The following CD247 variants were observed in gnomAD, a reference collection of about 807,000 sequenced individuals.
The protein encoded by CD247 is T-cell surface glycoprotein CD3 zeta chain.
Under a neutral mutation model 30.0 loss-of-function variants are expected in CD247, and 13 were observed. That is an observed-to-expected ratio of 0.43 (90% CI 0.28 to 0.69). The LOEUF (loss-of-function observed/expected upper bound fraction) is 0.69, where lower values mean the gene tolerates loss of function less well. Among genes scored for constraint, CD247 ranks in the 30% least tolerant of loss-of-function variants. The pLI, the probability that CD247 is intolerant of heterozygous loss-of-function variation, is 0.16. For missense variants in CD247, 193 were observed against 212.6 expected (o/e 0.91, Z 0.57); for synonymous variants, 72 against 80.0 (o/e 0.90, Z 0.53).
At chr1:167,459,744 G>C (rs1023623804) in intron 1 of CD247, 5 of 152,156 alleles carry the variant, frequency 3.3e-5, no homozygotes, top group Non-Finnish European at 7.3e-5. Context: ...AAAAACATGA[G>C]CATATTATTT....
chr1:167,510,750 A>G (rs12095738), intron 1 of CD247, among the ~76,000 whole-genome samples: 22,685 of 152,152 alleles, frequency 0.15, 1,818 homozygotes, highest in South Asian at 0.31. Context: ...ATCTACAGCA[A>G]AAGAGGGGGG....
intron 4 of CD247, 148 bp downstream of exon 4, chr1:167,438,422 A>G: frequency 1.4e-6 from 1 of 734,818 alleles, no homozygotes. Context: ...TGCGGCAGCA[A>G]GTGGGTCTCC....
intron 1 of CD247, among the ~76,000 whole-genome samples, chr1:167,482,996 C>A (rs1403723921): frequency 7.1e-6 from 1 of 141,674 alleles, no homozygotes; most frequent in Non-Finnish European, 1.5e-5. Context: ...AACCAATATT[C>A]TTTCTTTCTT....
chr1:167,473,479 C>G (rs1653617459), intron 1 of CD247, among the ~76,000 whole-genome samples: 1 of 152,196 alleles, frequency 6.6e-6, no homozygotes, highest in South Asian at 2.1e-4. Flanking sequence ...CACAGAGCTT[C>G]TCGCCAACTC....
At chr1:167,452,518 G>A (rs1652403151) in intron 1 of CD247, among the ~76,000 whole-genome samples, 1 of 152,154 alleles carries the variant, frequency 6.6e-6, no homozygotes, top group African/African-American at 2.4e-5. Flanking sequence ...TACAAGCCAA[G>A]GAGTGGCACC....
intron 1 of CD247, among the ~76,000 whole-genome samples, chr1:167,468,894 C>T (rs935285448): frequency 6.6e-6 from 1 of 151,948 alleles, no homozygotes; most frequent in Non-Finnish European, 1.5e-5. Context: ...ATAAAGTGCT[C>T]TCTTTCCTTC....
intron 7 of CD247, 138 bp downstream of exon 7, chr1:167,432,886 C>T (rs1469274374): frequency 3.5e-6 from 3 of 855,360 alleles, no homozygotes; most frequent in Non-Finnish European, 5.9e-6. Context: ...TTGCCACTGG[C>T]CTAAATGGGT....
At chr1:167,511,693 A>AG (rs1655394021) in intron 1 of CD247, among the ~76,000 whole-genome samples, 1 of 152,162 alleles carries the variant, frequency 6.6e-6, no homozygotes, top group African/African-American at 2.4e-5. Context: ...CTTTAGAAGT[A>AG]GGCTTCAGAA....
Position 167,435,417 on chromosome 1 carries a change from A to G in CD247, c.318T>C (p.Pro106=), listed in dbSNP as rs1329274119. ...MGGKPQRRKN[P]QEGLYNELQK... ...TACTCACATTGTACAGGCCTTCCTG[A>G]GGGTTCTTCCTTCTCTGCTAGGAAA... Residue 106 remains proline, a synonymous_variant, in exon 5 of 8, where the codon CCT becomes CCC. Transcript: ENST00000362089. 3 of 1,612,650 alleles carry G rather than the reference A, an allele frequency of 1.9e-6. No homozygotes were observed. The African/African-American group carries it at 4.0e-5, about 22-fold the overall frequency.
chr1:167,508,792 A>G (rs1172729391), intron 1 of CD247, among the ~76,000 whole-genome samples: 1 of 152,232 alleles, frequency 6.6e-6, no homozygotes, highest in African/African-American at 2.4e-5. Context: ...CCACACAATG[A>G]TGAAAATTAG....
intron 1 of CD247, among the ~76,000 whole-genome samples, chr1:167,495,202 T>C (rs1654632540): frequency 6.6e-6 from 1 of 152,230 alleles, no homozygotes; most frequent in Non-Finnish European, 1.5e-5. Flanking sequence ...CTACCTAGTA[T>C]CTATGTGGTC....
At chr1:167,478,563 C>A (rs2102060304) in intron 1 of CD247, among the ~76,000 whole-genome samples, 1 of 152,272 alleles carries the variant, frequency 6.6e-6, no homozygotes, top group Admixed American at 6.5e-5. Context: ...TCACTAAAAA[C>A]CAATTGGAGA....
chr1:167,505,034 C>A (rs765336245), intron 1 of CD247, among the ~76,000 whole-genome samples: 2 of 152,196 alleles, frequency 1.3e-5, no homozygotes, highest in Non-Finnish European at 1.5e-5. Flanking sequence ...AATATTCTAC[C>A]TATATTTACA....
At chr1:167,500,431 T>A (rs978652735) in intron 1 of CD247, among the ~76,000 whole-genome samples, 13 of 152,246 alleles carry the variant, frequency 8.5e-5, no homozygotes, top group African/African-American at 3.1e-4. Context: ...TATAAAATAG[T>A]TTAAAATAAA....
intron 1 of CD247, among the ~76,000 whole-genome samples, chr1:167,463,414 T>A (rs562194218): frequency 1.3e-5 from 2 of 152,304 alleles, no homozygotes; most frequent in Admixed American, 6.5e-5. Context: ...CCCTCATATC[T>A]GGAAGCAGAG....
intron 1 of CD247, among the ~76,000 whole-genome samples, chr1:167,478,659 G>A (rs1050982422): frequency 2.6e-5 from 4 of 152,176 alleles, no homozygotes; most frequent in Non-Finnish European, 5.9e-5. Flanking sequence ...CCTTGTCTGT[G>A]AAGGCGAGAT....
intron 1 of CD247, among the ~76,000 whole-genome samples, chr1:167,510,155 A>G (rs1028062929): frequency 3.3e-5 from 5 of 151,648 alleles, no homozygotes; most frequent in Admixed American, 2.0e-4. Context: ...CTGCCACCAA[A>G]CTCCTCCTAA....
intron 1 of CD247, among the ~76,000 whole-genome samples, chr1:167,497,684 T>C (rs1244204505): frequency 6.6e-6 from 1 of 152,170 alleles, no homozygotes; most frequent in African/African-American, 2.4e-5. Flanking sequence ...TGAGAGTCAG[T>C]CCTGGGTTAC....
intron 6 of CD247, among the ~76,000 whole-genome samples, chr1:167,433,330 G>A (rs1192113390): frequency 2.6e-5 from 4 of 152,194 alleles, no homozygotes; most frequent in African/African-American, 4.8e-5. Flanking sequence ...TCTAGGGCCC[G>A]CAGGACCTAT....
Sources: gnomAD v4.1 joint callset for allele counts (sites outside exome capture counted in the v4.1 genomes callset) on GRCh38, gnomAD v4.1.1 for gene constraint, MANE v1.5 for transcripts, NCBI Gene and HGNC (gene_info 2026-07-23, HGNC 2026-07-21) for gene names.